SLC35F1: variants seen among roughly 807,000 people sequenced by gnomAD.
The protein encoded by SLC35F1 is solute carrier family 35 member F1, also known as chromosome 6 open reading frame 169.
A neutral mutation model predicts 48.7 loss-of-function variants in SLC35F1; 14 were observed. The observed-to-expected ratio is 0.29, with a 90% CI of 0.19 to 0.45. SLC35F1 has a LOEUF of 0.45. Ranked by LOEUF, SLC35F1 falls within the 20% of genes least tolerant of loss-of-function variation. SLC35F1 has a pLI of 1.00. For synonymous variants in SLC35F1, 190 were observed against 202.2 expected (o/e 0.94, Z 0.51); for missense variants, 404 against 500.0 (o/e 0.81, Z 1.83).
At chr6:118,191,597 G>T (rs1328363205) in intron 2 of SLC35F1, among the ~76,000 whole-genome samples, 1 of 152,150 alleles carries the variant, frequency 6.6e-6, no homozygotes, top group African/African-American at 2.4e-5. Flanking sequence ...GTGTTGCAGT[G>T]TGGATAGCAA....
At chr6:118,065,882 A>AT (rs1772607205) in intron 1 of SLC35F1, among the ~76,000 whole-genome samples, 1 of 152,192 alleles carries the variant, frequency 6.6e-6, no homozygotes, top group African/African-American at 2.4e-5. Flanking sequence ...CTTGCATATG[A>AT]TTTTATAATT....
chr6:117,936,766 A>C (rs1005071598), intron 1 of SLC35F1, among the ~76,000 whole-genome samples: 2 of 152,148 alleles, frequency 1.3e-5, no homozygotes, highest in African/African-American at 4.8e-5. Context: ...AAAACTTTGT[A>C]TTTTAAAAAT....
chr6:117,976,783 T>G (rs1469932773), intron 1 of SLC35F1, among the ~76,000 whole-genome samples: 1 of 152,168 alleles, frequency 6.6e-6, no homozygotes, highest in Admixed American at 6.6e-5. Flanking sequence ...GCAAAGTATT[T>G]AAAGGAAAAC....
chr6:118,291,982 G>A (rs1776129628), intron 7 of SLC35F1, among the ~76,000 whole-genome samples: 1 of 152,156 alleles, frequency 6.6e-6, no homozygotes, highest in South Asian at 2.1e-4. Flanking sequence ...GCTGGGCATG[G>A]TGGCAGGGGC....
rs775987085 is a variant in SLC35F1, at chr6:118,285,309, T to C, written c.973T>C (p.Phe325Leu). The stretch of plus-strand genomic sequence containing the variant: ...GCTCACAGCAGACTTGTACAGCCTG[T>C]TCTGTGGATTGTTTCTCTTCCACTA... ...SLLTADLYSL[F>L]CGLFLFHYKF... is the part of the protein sequence containing the mutation. Residue 325 changes from phenylalanine to leucine, a missense_variant, in exon 7 of 8, where the codon TTC becomes CTC. By Grantham distance (22) the Phe-to-Leu change is conservative (BLOSUM62 0). Coordinates refer to ENST00000360388, the MANE Select transcript of SLC35F1 (RefSeq NM_001029858.4). 1.1e-5 allele frequency: 18 copies of C among 1,613,992 alleles called. No homozygotes were observed. The highest frequency in any genetic ancestry group is 1.4e-5 in the Non-Finnish European group (17 of 1,179,870).
intron 7 of SLC35F1, among the ~76,000 whole-genome samples, chr6:118,312,452 G>A (rs975923095): frequency 6.6e-6 from 1 of 152,102 alleles, no homozygotes; most frequent in African/African-American, 2.4e-5. Context: ...CAAAGAATGA[G>A]GCACATTCAT....
At chr6:118,162,576 A>G (rs1176636255) in intron 2 of SLC35F1, among the ~76,000 whole-genome samples, 4 of 152,180 alleles carry the variant, frequency 2.6e-5, no homozygotes, top group Admixed American at 2.6e-4. Context: ...AAGAAAATTA[A>G]CTACTATAAC....
intron 1 of SLC35F1, among the ~76,000 whole-genome samples, chr6:118,054,044 TC>T (rs1772428218): frequency 6.6e-6 from 1 of 152,252 alleles, no homozygotes; most frequent in African/African-American, 2.4e-5. Context: ...AAAGTGCATT[TC>T]TTTGATAATT....
At chr6:118,235,417 A>T (rs916862751) in intron 2 of SLC35F1, 92 bp from the exon 3 acceptor site, 27 of 1,202,050 alleles carry the variant, frequency 2.2e-5, no homozygotes, top group Non-Finnish European at 3.1e-5. Flanking sequence ...GGTTAAAAAT[A>T]TATAATGTTG....
intron 1 of SLC35F1, among the ~76,000 whole-genome samples, chr6:118,024,481 CT>C (rs1319218467): frequency 6.6e-6 from 1 of 152,070 alleles, no homozygotes; most frequent in Non-Finnish European, 1.5e-5. Flanking sequence ...ACATAAAACC[CT>C]TTTTCTTTCT....
At chr6:118,018,243 CA>C (rs1161327189) in intron 1 of SLC35F1, among the ~76,000 whole-genome samples, 1 of 151,980 alleles carries the variant, frequency 6.6e-6, no homozygotes, top group Admixed American at 6.6e-5. Context: ...CAGTGGCAGG[CA>C]CCTGTAATCC....
chr6:118,165,220 G>A (rs918018980), intron 2 of SLC35F1, among the ~76,000 whole-genome samples: 45 of 152,248 alleles, frequency 3.0e-4, no homozygotes, highest in African/African-American at 1.0e-3. Context: ...GAAACCTTAA[G>A]GCAGAATTAC....
chr6:117,984,010 C>T (rs1297859218), intron 1 of SLC35F1, among the ~76,000 whole-genome samples: 1 of 152,180 alleles, frequency 6.6e-6, no homozygotes, highest in African/African-American at 2.4e-5. Context: ...CCATTCTAAA[C>T]TTGTTATAAC....
At chr6:118,040,899 A>G (rs1772207617) in intron 1 of SLC35F1, among the ~76,000 whole-genome samples, 1 of 136,180 alleles carries the variant, frequency 7.3e-6, no homozygotes, top group Non-Finnish European at 1.7e-5. Context: ...AAAAGAGGGA[A>G]CCCAAACAAA....
At chr6:117,938,561 G>A (rs1364154555) in intron 1 of SLC35F1, among the ~76,000 whole-genome samples, 1 of 152,230 alleles carries the variant, frequency 6.6e-6, no homozygotes, top group Non-Finnish European at 1.5e-5. Flanking sequence ...CCAGCAGGAG[G>A]GGCGGATTCC....
At position 118,305,062 on chromosome 6, in the gene SLC35F1, G is replaced by A; in HGVS notation, c.1003-8966G>A. 2.2e-5 allele frequency among the ~76,000 whole-genome samples: 3 copies of A among 137,604 alleles called. 1 individual carries two copies. The South Asian group carries it at 7.0e-4, about 32-fold the overall frequency. 90.3% of individuals were successfully genotyped at this position (137,604 alleles called of 152,430 possible). A position where few individuals can be genotyped will look rare whatever the true frequency, so the allele number is the denominator to read the frequency against. On this transcript the variant is annotated intron_variant, in intron 7 of 7. Coordinates refer to ENST00000360388, the MANE Select transcript of SLC35F1 (RefSeq NM_001029858.4). ...AATCAACAGGAATGTGTGTGTGTGT[G>A]TGTGTGTGTGTGTGTGTGTGTGTGT...
chr6:118,074,518 A>G (rs555889127), intron 1 of SLC35F1, among the ~76,000 whole-genome samples: 4 of 152,256 alleles, frequency 2.6e-5, no homozygotes, highest in African/African-American at 7.2e-5. Flanking sequence ...GTCTTCATTG[A>G]TGATGCGGTT....
chr6:118,268,461 T>C (rs1283305592), intron 4 of SLC35F1, among the ~76,000 whole-genome samples: 1 of 151,836 alleles, frequency 6.6e-6, no homozygotes, highest in African/African-American at 2.4e-5. Context: ...ATAGACGTCA[T>C]ATGAAAAGGC....
intron 7 of SLC35F1, among the ~76,000 whole-genome samples, chr6:118,308,711 A>G (rs1252319182): frequency 6.6e-6 from 1 of 152,236 alleles, no homozygotes; most frequent in East Asian, 1.9e-4. Context: ...TGATGGCCAC[A>G]TATCCTTCAT....
Sources: gnomAD v4.1 joint callset for allele counts (sites outside exome capture counted in the v4.1 genomes callset) on GRCh38, gnomAD v4.1.1 for gene constraint, MANE v1.5 for transcripts, NCBI Gene and HGNC (gene_info 2026-07-23, HGNC 2026-07-21) for gene names.